ZNF486: variants seen among roughly 807,000 people sequenced by gnomAD.
ZNF486 encodes zinc finger protein 486.
In ZNF486, 12 loss-of-function variants were observed where a neutral mutation model predicts 12.8. The ratio of observed to expected loss-of-function variants is 0.94; its 90% CI spans 0.60 to 1.52. ZNF486 has a LOEUF of 1.52. Ranked by LOEUF, ZNF486 falls within the 40% of genes most tolerant of loss-of-function variation. The pLI, the probability that ZNF486 is intolerant of heterozygous loss-of-function variation, is 0.00. For missense variants in ZNF486, 738 were observed against 545.0 expected (o/e 1.35, Z -3.53); for synonymous variants, 231 against 184.9 (o/e 1.25, Z -2.02).
In ZNF486 at chr19:20,198,827, C is replaced by G. The variant is rs1555718508; in HGVS notation, c.*725C>G. On this transcript the variant is annotated 3_prime_UTR_variant, in exon 4 of 4. Coordinates refer to ENST00000335117, the MANE Select transcript of ZNF486 (RefSeq NM_052852.4). Reference sequence around the variant, plus strand: ...ATGAGCCTCAATTCCCAGCCATAAGCTCTTAATTCTTAAGAGACATGGCGA... The same window carrying G: ...ATGAGCCTCAATTCCCAGCCATAAGGTCTTAATTCTTAAGAGACATGGCGA... 1 of 152,232 alleles carries G rather than the reference C, an allele frequency of 6.6e-6. No individual in the cohort carries two copies. Among genetic ancestry groups the G allele is most frequent in the Non-Finnish European group, 1.5e-5 (1 of 68,040 alleles). 9.4% of individuals were successfully genotyped at this position (152,232 alleles called of 1,614,324 possible). A position where few individuals can be genotyped will look rare whatever the true frequency, so the allele number is the denominator to read the frequency against.
At chr19:20,179,160 A>G (rs1405715734) in intron 1 of ZNF486, among the ~76,000 whole-genome samples, 1 of 152,232 alleles carries the variant, frequency 6.6e-6, no homozygotes, top group African/African-American at 2.4e-5. Context: ...TGAACGATGT[A>G]TTCATCTATT....
chr19:20,173,697 T>G (rs2089674523), intron 1 of ZNF486, among the ~76,000 whole-genome samples: 1 of 152,046 alleles, frequency 6.6e-6, no homozygotes, highest in South Asian at 2.1e-4. Flanking sequence ...TCAGGCGTGG[T>G]GGCGGGCGCC....
intron 1 of ZNF486, chr19:20,176,983 T>C (rs1475430982): frequency 6.6e-6 from 1 of 152,218 alleles, no homozygotes; most frequent in Non-Finnish European, 1.5e-5. Context: ...AAGTAGAAAC[T>C]GAGGTTGAAA....
chr19:20,184,839 C>T (rs1451082397), intron 2 of ZNF486, among the ~76,000 whole-genome samples: 1 of 152,132 alleles, frequency 6.6e-6, no homozygotes, highest in African/African-American at 2.4e-5. Context: ...GGGCCAGGCG[C>T]AGTGGCTCAT....
chr19:20,191,594 C>G (rs1555717218), intron 3 of ZNF486, among the ~76,000 whole-genome samples: 2 of 103,776 alleles, frequency 1.9e-5, no homozygotes, highest in African/African-American at 6.7e-5. Context: ...ACGGTGAAAC[C>G]CCGTCTCTAT....
chr19:20,169,115 T>A (rs1467110019), intron 1 of ZNF486, among the ~76,000 whole-genome samples: 2 of 151,898 alleles, frequency 1.3e-5, no homozygotes, highest in Admixed American at 1.3e-4. Context: ...GTGGGGTTAC[T>A]ACATTTTTTT....
In ZNF486 at chr19:20,184,882, C is replaced by T. The variant is rs187443235; in HGVS notation, c.157+400C>T. Among the ~76,000 whole-genome samples, 46 of 152,202 alleles carry T rather than the reference C, an allele frequency of 3.0e-4. No individual in the cohort carries two copies. In the South Asian group the frequency reaches 4.6e-3, roughly 15 times the overall value. On this transcript the variant is annotated intron_variant, in intron 2 of 3. Transcript: ENST00000335117. ...ATTCCAGCACTTTGGGAGGCTGAGA[C>T]GGGCAGATCACCTGAAGTTGGGAGT...
At chr19:20,178,330 A>G (rs543789842) in intron 1 of ZNF486, among the ~76,000 whole-genome samples, 5 of 150,310 alleles carry the variant, frequency 3.3e-5, no homozygotes, top group African/African-American at 1.2e-4. Flanking sequence ...TGCAAGCTCC[A>G]CCTCCTGGGT....
At chr19:20,180,802 G>T (rs1453740673) in intron 1 of ZNF486, among the ~76,000 whole-genome samples, 1 of 152,132 alleles carries the variant, frequency 6.6e-6, no homozygotes, top group Non-Finnish European at 1.5e-5. Context: ...GGGATTACAG[G>T]TGTAAGGCAG....
intron 1 of ZNF486, among the ~76,000 whole-genome samples, chr19:20,180,972 T>C (rs1163647278): frequency 2.6e-5 from 4 of 152,188 alleles, no homozygotes; most frequent in Non-Finnish European, 4.4e-5. Flanking sequence ...ATTAAAATTA[T>C]AGGAACTCTG....
chr19:20,189,363 C>A (rs577940216), intron 3 of ZNF486, among the ~76,000 whole-genome samples: 1 of 152,152 alleles, frequency 6.6e-6, no homozygotes, highest in South Asian at 2.1e-4. Context: ...AGCACCTGGG[C>A]CTGGCCTGTG....
At chr19:20,186,784 GTTTT>G (rs57907168) in intron 3 of ZNF486, among the ~76,000 whole-genome samples, 1 of 122,482 alleles carries the variant, frequency 8.2e-6, no homozygotes, top group African/African-American at 3.3e-5. Context: ...ATTTTCATAG[GTTTT>G]TTTTTTTTTT....
intron 1 of ZNF486, among the ~76,000 whole-genome samples, chr19:20,174,410 T>C (rs965134358): frequency 2.6e-5 from 4 of 152,140 alleles, no homozygotes; most frequent in Middle Eastern, 3.4e-3. Context: ...CTTTTTTTTT[T>C]TTGAGAGAGT....
At chr19:20,190,028 A>G (rs138669678) in intron 3 of ZNF486, among the ~76,000 whole-genome samples, 2 of 152,306 alleles carry the variant, frequency 1.3e-5, no homozygotes, top group East Asian at 3.9e-4. Context: ...GTTGATATTC[A>G]GTTTTCAACA....
intron 3 of ZNF486, among the ~76,000 whole-genome samples, chr19:20,188,203 G>T (rs1487993287): frequency 6.6e-6 from 1 of 152,082 alleles, no homozygotes; most frequent in Admixed American, 6.6e-5. Context: ...AGTAGTCATG[G>T]AGATAGTCTT....
At chr19:20,177,135 G>C (rs1470209394) in intron 1 of ZNF486, 1 of 152,286 alleles carries the variant, frequency 6.6e-6, no homozygotes, top group African/African-American at 2.4e-5. Flanking sequence ...AATGTGAGCT[G>C]TGCTCTGGGC....
chr19:20,181,780 G>T (rs1295226535), intron 1 of ZNF486, among the ~76,000 whole-genome samples: 1 of 149,282 alleles, frequency 6.7e-6, no homozygotes. Context: ...TGCTTTTACA[G>T]TGTTTTAAAA....
At chr19:20,190,662 G>A (rs1227576623) in intron 3 of ZNF486, among the ~76,000 whole-genome samples, 13 of 152,174 alleles carry the variant, frequency 8.5e-5, no homozygotes, top group Admixed American at 6.5e-4. Context: ...TAGGGTTATA[G>A]GCAAGAGCCA....
At position 20,197,561 on chromosome 19, in the gene ZNF486, A is replaced by G; in HGVS notation, c.851A>G (p.His284Arg). ...AFMYPYTLTT[H>R]KIIHTGEQPY... ...ATGTACCCCTATACCCTTACTACAC[A>G]TAAGATAATCCATACTGGAGAGCAA... The change falls in exon 4 of 4, where the codon CAT becomes CGT. Residue 284 changes from histidine to arginine, a missense_variant. By Grantham distance (29) the His-to-Arg change is conservative. Coordinates refer to ENST00000335117, the MANE Select transcript of ZNF486 (RefSeq NM_052852.4). 2 of 1,613,714 alleles carry G rather than the reference A, an allele frequency of 1.2e-6. No individual in the cohort carries two copies. Among genetic ancestry groups the G allele is most frequent in the African/African-American group, 1.3e-5 (1 of 75,052 alleles).
Sources: gnomAD v4.1 joint callset for allele counts (sites outside exome capture counted in the v4.1 genomes callset) on GRCh38, gnomAD v4.1.1 for gene constraint, MANE v1.5 for transcripts, NCBI Gene and HGNC (gene_info 2026-07-23, HGNC 2026-07-21) for gene names.